Variants in PBX3 observed in about 807,000 individuals in gnomAD.
The protein encoded by PBX3 is pre-B-cell leukemia transcription factor 3.
PBX3 carries 14 observed loss-of-function variants against 48.5 expected under a neutral mutation model. The ratio of observed to expected loss-of-function variants is 0.29; its 90% CI spans 0.19 to 0.45. The LOEUF (loss-of-function observed/expected upper bound fraction) is 0.45. Among genes scored for constraint, PBX3 ranks in the 20% least tolerant of loss-of-function variants. The probability of loss-of-function intolerance (pLI) is 1.00; values close to 1 mark genes in which losing one functional copy is unlikely to be tolerated. For synonymous variants in PBX3, 210 were observed against 200.3 expected (o/e 1.05, Z -0.41); for missense variants, 386 against 546.7 (o/e 0.71, Z 2.93).
chr9:125,881,912 C>A (rs1164708078), intron 2 of PBX3, among the ~76,000 whole-genome samples: 1 of 151,790 alleles, frequency 6.6e-6, no homozygotes, highest in Non-Finnish European at 1.5e-5. Flanking sequence ...TTACTAAGGG[C>A]TGGGTGCAGT....
rs1223103787 is a variant in PBX3, at chr9:125,899,352, TTTATATAA to T, written c.275-16333_275-16326del. On this transcript the variant is annotated intron_variant, in intron 2 of 8. Coordinates refer to ENST00000373489, the MANE Select transcript of PBX3 (RefSeq NM_006195.6). Reference sequence around the variant, plus strand: ...AAATATATACATATATGTATATATTTTTATATAAATATATACATATATGTATATATTTT... The same window carrying T: ...AAATATATACATATATGTATATATTTATATATACATATATGTATATATTTT... Among the ~76,000 whole-genome samples the T allele has an allele frequency of 2.9e-3, 283 of 97,176 alleles. 17 individuals carry two copies. Among genetic ancestry groups the T allele is most frequent in the Middle Eastern group, 8.8e-3 (2 of 226 alleles). The allele number at this position is 97,176 out of a possible 152,430, so 63.8% of individuals were successfully genotyped here. A position where few individuals can be genotyped will look rare whatever the true frequency, so the allele number is the denominator to read the frequency against.
chr9:125,817,754 C>G lies in PBX3; in HGVS notation c.274+69131C>G, dbSNP rs377180602. Among the ~76,000 whole-genome samples, 56 of 152,040 alleles carry G rather than the reference C, an allele frequency of 3.7e-4. 1 individual carries two copies. The highest frequency in any genetic ancestry group is 6.8e-3 in the Middle Eastern group (2 of 294). ...ATCTTATTTTTTTTGTCCTACAAAT[C>G]GAAAAAATACCATCTGCTCTAGTAC... On this transcript the variant is annotated intron_variant, in intron 2 of 8. Coordinates refer to ENST00000373489, the MANE Select transcript of PBX3 (RefSeq NM_006195.6).
intron 2 of PBX3, among the ~76,000 whole-genome samples, chr9:125,818,207 CCAAAAAAAAAA>C: frequency 6.7e-6 from 1 of 149,820 alleles, no homozygotes; most frequent in Non-Finnish European, 1.5e-5. Flanking sequence ...CTCAAAAAAA[CCAAAAAAAAAA>C]CAAAAACCAA....
chr9:125,949,312 C>T (rs1169524636), intron 5 of PBX3: 6 of 1,547,176 alleles, frequency 3.9e-6, no homozygotes, highest in South Asian at 3.6e-5. Context: ...GGCCTGGCAT[C>T]TCAGGAATGT....
At chr9:125,819,639 G>GA (rs1232277443) in intron 2 of PBX3, among the ~76,000 whole-genome samples, 1 of 152,110 alleles carries the variant, frequency 6.6e-6, no homozygotes, top group Non-Finnish European at 1.5e-5. Context: ...AGAGGGTTTA[G>GA]ATATAGATAT....
chr9:125,835,051 A>AAAAAAAG (rs1564681272), intron 2 of PBX3, among the ~76,000 whole-genome samples: 1 of 108,002 alleles, frequency 9.3e-6, no homozygotes, highest in African/African-American at 3.8e-5. Context: ...AAAAAAAAAA[A>AAAAAAAG]GGGCAAAAGA....
chr9:125,802,001 C>G (rs1348796987), intron 2 of PBX3, among the ~76,000 whole-genome samples: 1 of 152,134 alleles, frequency 6.6e-6, no homozygotes, highest in African/African-American at 2.4e-5. Context: ...TCACTTGAGC[C>G]TGGGTGAGTC....
At chr9:125,779,870 C>T (rs1257038203) in intron 2 of PBX3, among the ~76,000 whole-genome samples, 1 of 134,584 alleles carries the variant, frequency 7.4e-6, no homozygotes, top group African/African-American at 2.8e-5. Context: ...CCGGACGGGG[C>T]GGCTGGCCGG....
chr9:125,856,451 G>C (rs142613162), intron 2 of PBX3, among the ~76,000 whole-genome samples: 1 of 152,156 alleles, frequency 6.6e-6, no homozygotes, highest in South Asian at 2.1e-4. Flanking sequence ...TAATTAACAC[G>C]CATATTAAAT....
chr9:125,819,176 C>A (rs1838570836), intron 2 of PBX3, among the ~76,000 whole-genome samples: 1 of 151,796 alleles, frequency 6.6e-6, no homozygotes, highest in Non-Finnish European at 1.5e-5. Flanking sequence ...ATGTATAATT[C>A]CAAATCTAAA....
intron 2 of PBX3, among the ~76,000 whole-genome samples, chr9:125,842,149 G>T (rs1193510102): frequency 6.6e-6 from 1 of 152,118 alleles, no homozygotes; most frequent in African/African-American, 2.4e-5. Context: ...TTAAGATGGG[G>T]TTAGAAATAT....
intron 2 of PBX3, among the ~76,000 whole-genome samples, chr9:125,914,245 C>T (rs1157023640): frequency 6.6e-6 from 1 of 152,066 alleles, no homozygotes; most frequent in Non-Finnish European, 1.5e-5. Context: ...GTTTTCAAAC[C>T]TTATTTGCCT....
intron 2 of PBX3, among the ~76,000 whole-genome samples, chr9:125,871,363 A>G (rs1219505786): frequency 1.4e-5 from 2 of 146,842 alleles, no homozygotes; most frequent in Non-Finnish European, 3.0e-5. Flanking sequence ...TCTGGGTGAC[A>G]GTGCAAGACT....
intron 2 of PBX3, among the ~76,000 whole-genome samples, chr9:125,775,400 C>A (rs1837046881): frequency 6.6e-6 from 1 of 152,066 alleles, no homozygotes; most frequent in Non-Finnish European, 1.5e-5. Context: ...GGTGGTTAAT[C>A]CATTTGAGTT....
intron 2 of PBX3, among the ~76,000 whole-genome samples, chr9:125,884,052 A>G (rs962468403): frequency 7.9e-5 from 12 of 152,238 alleles, no homozygotes; most frequent in African/African-American, 2.7e-4. Context: ...ATTAATGGCA[A>G]TTAATCCTTA....
At chr9:125,761,664 A>G (rs1168187274) in intron 2 of PBX3, among the ~76,000 whole-genome samples, 1 of 152,174 alleles carries the variant, frequency 6.6e-6, no homozygotes, top group African/African-American at 2.4e-5. Context: ...CCTTTCTAAT[A>G]AAGTGTGAAT....
intron 2 of PBX3, among the ~76,000 whole-genome samples, chr9:125,897,263 T>A (rs1303032220): frequency 6.6e-6 from 1 of 151,682 alleles, no homozygotes. Context: ...TAGGACATTT[T>A]GCAAATGTAT....
intron 2 of PBX3, among the ~76,000 whole-genome samples, chr9:125,836,993 T>TA (rs1356147683): frequency 6.6e-6 from 1 of 152,204 alleles, no homozygotes; most frequent in Admixed American, 6.5e-5. Context: ...AAAATTTAAA[T>TA]ATCACCATGC....
chr9:125,915,776 G>A lies in PBX3; in HGVS notation c.365G>A (p.Gly122Asp), dbSNP rs942037641. The part of the protein sequence containing the change: ...DNMLLAEGVS[G>D]PEKGGGSAAA... ...ATGCTTTTGGCAGAAGGGGTTTCAGGTCCTGAGAAAGGTGGGGGATCGGCG... is the reference window on the plus strand; with the variant it reads ...ATGCTTTTGGCAGAAGGGGTTTCAGATCCTGAGAAAGGTGGGGGATCGGCG... Residue 122 changes from glycine (G) to aspartate (D), a missense_variant, in exon 3 of 9, where the codon GGT becomes GAT. Gly to Asp is a moderately conservative substitution (Grantham distance 94). Around this residue, in one of 4 missense-constraint regions of PBX3, gnomAD observed 69 missense variants for 99.1 expected, o/e 0.70. Transcript: ENST00000373489. The A allele has an allele frequency of 5.0e-6, 8 of 1,614,098 alleles. No individual in the cohort carries two copies. The highest frequency in any genetic ancestry group is 6.8e-6 in the Non-Finnish European group (8 of 1,180,014).
Sources: gnomAD v4.1 joint callset for allele counts (sites outside exome capture counted in the v4.1 genomes callset) on GRCh38, gnomAD v4.1.1 for gene constraint, gnomAD v4.1.1 regional missense constraint, MANE v1.5 for transcripts, NCBI Gene and HGNC (gene_info 2026-07-23, HGNC 2026-07-21) for gene names.